GRID2: variants seen among roughly 807,000 people sequenced by gnomAD.
GRID2 encodes the protein glutamate receptor ionotropic, delta-2.
A neutral mutation model predicts 114.8 loss-of-function variants in GRID2; 33 were observed. The observed-to-expected ratio is 0.29, with a 90% CI of 0.22 to 0.38. GRID2 has a LOEUF of 0.38. Among genes scored for constraint, GRID2 ranks in the 10% least tolerant of loss-of-function variants. The probability of loss-of-function intolerance (pLI) is 1.00; values close to 1 mark genes in which losing one functional copy is unlikely to be tolerated. For missense variants in GRID2, 1,184 were observed against 1,257.7 expected (o/e 0.94, Z 0.89); for synonymous variants, 505 against 449.9 (o/e 1.12, Z -1.55).
chr4:92,506,328 A>G (rs1723969932), intron 1 of GRID2, among the ~76,000 whole-genome samples: 1 of 152,040 alleles, frequency 6.6e-6, no homozygotes, highest in Non-Finnish European at 1.5e-5. Flanking sequence ...AGCTTTCTGG[A>G]CAGAACTTTA....
At chr4:93,104,512 G>A (rs1356752237) in intron 3 of GRID2, among the ~76,000 whole-genome samples, 1 of 150,510 alleles carries the variant, frequency 6.6e-6, no homozygotes, top group East Asian at 2.0e-4. Context: ...CTGTGTCCAT[G>A]TGTTCTCATT....
intron 1 of GRID2, among the ~76,000 whole-genome samples, chr4:92,385,950 GA>G (rs1034489717): frequency 6.1e-5 from 9 of 147,560 alleles, no homozygotes; most frequent in African/African-American, 2.2e-4. Flanking sequence ...ATTTGCCCTT[GA>G]AATAAGTCCT....
intron 2 of GRID2, among the ~76,000 whole-genome samples, chr4:92,791,136 G>C (rs1444294542): frequency 1.3e-5 from 2 of 151,572 alleles, no homozygotes; most frequent in Admixed American, 1.3e-4. Flanking sequence ...ATCCCAAATT[G>C]CCAGAAATTG....
intron 2 of GRID2, among the ~76,000 whole-genome samples, chr4:92,811,461 C>T (rs1332889236): frequency 2.0e-5 from 3 of 151,928 alleles, no homozygotes; most frequent in East Asian, 1.9e-4. Context: ...TGAGGGAGGA[C>T]ATTATTTTTG....
chr4:93,028,442 A>G (rs1409742049), intron 2 of GRID2, among the ~76,000 whole-genome samples: 1 of 151,984 alleles, frequency 6.6e-6, no homozygotes, highest in East Asian at 1.9e-4. Flanking sequence ...AAGAAATGAG[A>G]CCGGAAAGAG....
At chr4:93,132,888 A>G (rs1191266298) in intron 4 of GRID2, among the ~76,000 whole-genome samples, 1 of 152,196 alleles carries the variant, frequency 6.6e-6, no homozygotes, top group Non-Finnish European at 1.5e-5. Context: ...AAATGAGTGG[A>G]ACGCTTACTT....
intron 1 of GRID2, among the ~76,000 whole-genome samples, chr4:92,366,876 T>G (rs1048627626): frequency 6.6e-6 from 1 of 152,040 alleles, no homozygotes; most frequent in South Asian, 2.1e-4. Flanking sequence ...AACAATAAAA[T>G]AAGACAGCAG....
intron 1 of GRID2, among the ~76,000 whole-genome samples, chr4:92,532,830 T>TGG (rs1560693499): frequency 6.6e-6 from 1 of 152,148 alleles, no homozygotes; most frequent in Non-Finnish European, 1.5e-5. Context: ...CTCAACATTT[T>TGG]GGGAGGCCGA....
In GRID2 at chr4:93,010,410, G is replaced by A. The variant is rs78277097; in HGVS notation, c.245-74585G>A. Among the ~76,000 whole-genome samples, 219 of 151,858 alleles carry A rather than the reference G, an allele frequency of 1.4e-3. 1 individual carries two copies. The highest frequency in any genetic ancestry group is 5.2e-3 in the African/African-American group (216 of 41,426). ...GAAAACCGTTTGCTTACTAGATTAC[G>A]GGTTTATTGCAAAAGGATACAACTC... On this transcript the variant is annotated intron_variant, in intron 2 of 15. Transcript: ENST00000282020.
At chr4:92,967,502 A>T (rs750459428) in intron 2 of GRID2, among the ~76,000 whole-genome samples, 20 of 147,468 alleles carry the variant, frequency 1.4e-4, no homozygotes, top group African/African-American at 3.5e-4. Flanking sequence ...TCATTTTTTT[A>T]AAAAAATATT....
intron 9 of GRID2, among the ~76,000 whole-genome samples, chr4:93,408,271 G>A (rs1766736460): frequency 6.6e-6 from 1 of 152,098 alleles, no homozygotes; most frequent in Non-Finnish European, 1.5e-5. Flanking sequence ...ACACGTCTCA[G>A]GAATTAAGAT....
chr4:93,204,531 TG>T (rs1272827273), intron 4 of GRID2, among the ~76,000 whole-genome samples: 1 of 152,170 alleles, frequency 6.6e-6, no homozygotes, highest in Non-Finnish European at 1.5e-5. Flanking sequence ...ACTATCTCCT[TG>T]CTGACCCTAA....
rs184487215 is a variant in GRID2 at position 92,325,024 on chromosome 4, T to A, written c.88+20280T>A. Among the ~76,000 whole-genome samples the A allele has an allele frequency of 5.0e-4, 76 of 152,038 alleles. 1 individual carries two copies. In the East Asian group the frequency reaches 0.014, roughly 28 times the overall value. On this transcript the variant is annotated intron_variant, in intron 1 of 15. Transcript: ENST00000282020. ...TATTTCCTTCTGATTTCAGTCTTTG[T>A]GCATGCACAACTGAGCATGCTGTAA... is the stretch of plus-strand genomic sequence containing the variant.
At chr4:93,051,802 TAACA>T (rs1211923345) in intron 2 of GRID2, among the ~76,000 whole-genome samples, 1 of 152,018 alleles carries the variant, frequency 6.6e-6, no homozygotes, top group Non-Finnish European at 1.5e-5. Context: ...CTGCCACAAC[TAACA>T]AAGAGCAAGA....
intron 2 of GRID2, among the ~76,000 whole-genome samples, chr4:92,723,568 A>C (rs1332647184): frequency 1.6e-4 from 25 of 152,184 alleles, no homozygotes; most frequent in Non-Finnish European, 8.8e-5. Flanking sequence ...TCCTGTCTTT[A>C]ATATCTAATC....
At chr4:93,291,784 TTC>T (rs2149147123) in intron 8 of GRID2, among the ~76,000 whole-genome samples, 2 of 152,290 alleles carry the variant, frequency 1.3e-5, no homozygotes, top group East Asian at 3.9e-4. Context: ...TTTTTCTTTT[TTC>T]TTTTTTAATT....
intron 2 of GRID2, among the ~76,000 whole-genome samples, chr4:92,960,815 T>C (rs1442737172): frequency 6.6e-6 from 1 of 151,988 alleles, no homozygotes; most frequent in African/African-American, 2.4e-5. Context: ...GTTCCTTTTT[T>C]TGTCTTCTAC....
intron 2 of GRID2, among the ~76,000 whole-genome samples, chr4:92,986,892 G>C (rs1356964028): frequency 6.6e-6 from 1 of 152,152 alleles, no homozygotes; most frequent in East Asian, 1.9e-4. Flanking sequence ...AATGTGGACA[G>C]CTTGGTGAGT....
At chr4:92,518,795 T>C (rs557427073) in intron 1 of GRID2, among the ~76,000 whole-genome samples, 5 of 152,038 alleles carry the variant, frequency 3.3e-5, no homozygotes, top group Admixed American at 1.3e-4. Flanking sequence ...GAATATTACA[T>C]GGAATCTCTT....
Sources: allele counts gnomAD v4.1 joint callset (sites outside exome capture counted in the v4.1 genomes callset), GRCh38; gene constraint gnomAD v4.1.1; transcripts MANE v1.5; gene names NCBI Gene and HGNC (gene_info 2026-07-23, HGNC 2026-07-21).